MACROD2: variants seen among roughly 807,000 people sequenced by gnomAD.
MACROD2 encodes the protein ADP-ribose glycohydrolase MACROD2.
A neutral mutation model predicts 70.4 loss-of-function variants in MACROD2; 36 were observed. The ratio of observed to expected loss-of-function variants is 0.51; its 90% CI spans 0.39 to 0.68. MACROD2 has a LOEUF of 0.68. Ranked by LOEUF, MACROD2 falls within the 30% of genes least tolerant of loss-of-function variation. The pLI is 0.00. For synonymous variants in MACROD2, 172 were observed against 178.8 expected, an observed-to-expected ratio of 0.96 and a Z score of 0.30; for missense variants, 496 against 538.4, an observed-to-expected ratio of 0.92 and a Z score of 0.78.
intron 12 of MACROD2, among the ~76,000 whole-genome samples, chr20:15,958,421 A>G (rs1169251313): frequency 1.3e-5 from 2 of 152,136 alleles, no homozygotes; most frequent in Non-Finnish European, 2.9e-5. Context: ...TTCCCTCATG[A>G]CTACTTTATC....
chr20:14,877,787 A>G (rs1174544492), intron 5 of MACROD2, among the ~76,000 whole-genome samples: 1 of 151,956 alleles, frequency 6.6e-6, no homozygotes, highest in Non-Finnish European at 1.5e-5. Flanking sequence ...ATTCATTTGC[A>G]TATGTTGTAC....
chr20:14,758,323 T>G (rs898216219), intron 5 of MACROD2, among the ~76,000 whole-genome samples: 1 of 152,134 alleles, frequency 6.6e-6, no homozygotes, highest in Non-Finnish European at 1.5e-5. Context: ...AACATTTGTT[T>G]ATTCTGGAAA....
chr20:15,898,556 A>AT (rs1198417669), intron 10 of MACROD2, among the ~76,000 whole-genome samples: 1 of 150,982 alleles, frequency 6.6e-6, no homozygotes, highest in Non-Finnish European at 1.5e-5. Context: ...GTCTAAAAAA[A>AT]AAAAAAAAAA....
chr20:14,834,111 T>C (rs1422826625), intron 5 of MACROD2, among the ~76,000 whole-genome samples: 2 of 152,104 alleles, frequency 1.3e-5, no homozygotes, highest in Non-Finnish European at 2.9e-5. Flanking sequence ...TATGTAGATA[T>C]GAAAACAAAA....
chr20:15,443,780 T>C (rs927912715), intron 7 of MACROD2, among the ~76,000 whole-genome samples: 2 of 152,124 alleles, frequency 1.3e-5, no homozygotes, highest in Admixed American at 1.3e-4. Context: ...AGCTCTCCAA[T>C]GTAAGGAGGC....
At chr20:14,922,518 C>T (rs1455830081) in intron 5 of MACROD2, among the ~76,000 whole-genome samples, 1 of 152,172 alleles carries the variant, frequency 6.6e-6, no homozygotes, top group Non-Finnish European at 1.5e-5. Context: ...TTATCTGATT[C>T]TGGATGCTGC....
chr20:15,264,840 C>T (rs926244610), intron 6 of MACROD2, among the ~76,000 whole-genome samples: 6 of 152,030 alleles, frequency 3.9e-5, no homozygotes, highest in Non-Finnish European at 7.4e-5. Flanking sequence ...CCACCCCAAA[C>T]TTCATGAGAG....
chr20:15,305,585 A>G (rs1052062218), intron 6 of MACROD2, among the ~76,000 whole-genome samples: 2 of 152,060 alleles, frequency 1.3e-5, no homozygotes, highest in Admixed American at 6.6e-5. Flanking sequence ...GGCTGGGTCC[A>G]CCAGGTCTGA....
intron 5 of MACROD2, among the ~76,000 whole-genome samples, chr20:14,998,525 A>C (rs556730005): frequency 1.3e-5 from 2 of 152,338 alleles, no homozygotes; most frequent in East Asian, 3.9e-4. Context: ...CTGATCAAGC[A>C]AAAGAAAGAA....
intron 4 of MACROD2, among the ~76,000 whole-genome samples, chr20:14,677,661 C>T (rs2070878557): frequency 2.0e-5 from 3 of 152,164 alleles, no homozygotes; most frequent in Non-Finnish European, 1.5e-5. Context: ...TGAGTGACCT[C>T]AGTGTTCACC....
intron 5 of MACROD2, among the ~76,000 whole-genome samples, chr20:14,963,408 A>G (rs917745568): frequency 6.6e-6 from 1 of 152,048 alleles, no homozygotes; most frequent in African/African-American, 2.4e-5. Flanking sequence ...CTATTAGACA[A>G]TGGGACGCTT....
chr20:13,998,805 A>T (rs1166856167), intron 1 of MACROD2, among the ~76,000 whole-genome samples: 1 of 152,036 alleles, frequency 6.6e-6, no homozygotes, highest in Non-Finnish European at 1.5e-5. Flanking sequence ...AATACAAAAA[A>T]TTAGCCGGTC....
At chr20:14,011,245 C>T (rs1285187183) in intron 2 of MACROD2, among the ~76,000 whole-genome samples, 1 of 152,120 alleles carries the variant, frequency 6.6e-6, no homozygotes, top group African/African-American at 2.4e-5. Flanking sequence ...GATAGGAGCA[C>T]AGCGTCTCAT....
chr20:14,324,795 C>A (rs1187040278), intron 3 of MACROD2: 1 of 152,124 alleles, frequency 6.6e-6, no homozygotes, highest in Non-Finnish European at 1.5e-5. Context: ...ACATTTTCCC[C>A]CCAACTTGGA....
chr20:15,978,588 CTCT>C (rs1263669555), intron 13 of MACROD2, among the ~76,000 whole-genome samples: 1 of 87,626 alleles, frequency 1.1e-5, no homozygotes, highest in Non-Finnish European at 2.9e-5. Context: ...TTGGGTCTCT[CTCT>C]CTCTCTCTCT....
intron 9 of MACROD2, among the ~76,000 whole-genome samples, chr20:15,868,558 T>C (rs1014083937): frequency 9.2e-5 from 14 of 151,924 alleles, no homozygotes; most frequent in Non-Finnish European, 1.8e-4. Flanking sequence ...TTATTTTCTT[T>C]ATATACCTTA....
chr20:14,777,354 A>G (rs1426513024), intron 5 of MACROD2, among the ~76,000 whole-genome samples: 1 of 151,986 alleles, frequency 6.6e-6, no homozygotes, highest in Non-Finnish European at 1.5e-5. Context: ...ATGCAGCTCT[A>G]CTAAGGGCTG....
At chr20:14,670,660 C>A (rs77468733) in intron 4 of MACROD2, among the ~76,000 whole-genome samples, 3 of 152,150 alleles carry the variant, frequency 2.0e-5, no homozygotes, top group Non-Finnish European at 4.4e-5. Context: ...GTTACAGAAA[C>A]ACCATCCACA....
chr20:15,140,178 A>G (rs573422423), intron 5 of MACROD2, among the ~76,000 whole-genome samples: 1 of 152,278 alleles, frequency 6.6e-6, no homozygotes, highest in Non-Finnish European at 1.5e-5. Flanking sequence ...AGGTTTGCCC[A>G]GAAGAGTCCA....
Sources: gnomAD v4.1 joint callset for allele counts (sites outside exome capture counted in the v4.1 genomes callset) on GRCh38, gnomAD v4.1.1 for gene constraint, MANE v1.5 for transcripts, NCBI Gene and HGNC (gene_info 2026-07-23, HGNC 2026-07-21) for gene names.